Variants in GAS5 observed in about 807,000 individuals in gnomAD.
The protein encoded by GAS5 is growth arrest specific 5 (non-protein coding).
intron 6 of GAS5, chr1:173,865,376 TTTTC>T (rs1348166143): frequency 2.9e-5 from 15 of 515,456 alleles, no homozygotes; most frequent in Non-Finnish European, 5.8e-5. Flanking sequence ...TTAATCTCCA[TTTTC>T]TTTCTCAGAG....
chr1:173,866,563 A>G lies in GAS5; in HGVS notation n.96T>C, dbSNP rs1654691860. On this transcript the variant is annotated non_coding_transcript_exon_variant, in exon 3 of 8. Transcript: ENST00000651080. ...ATGGCTTGAGTTAGGCTTGCTCTTT[A>G]GGACCTGGGAAGAAACAACTTCATG... 4.0e-6 allele frequency: 3 copies of G among 752,712 alleles called. No individual in the cohort carries two copies. In the South Asian group the frequency reaches 4.1e-5, roughly 10 times the overall value. The allele number at this position is 752,712 out of a possible 1,614,324, so 46.6% of individuals were successfully genotyped here.
chr1:173,866,950 T>C (rs1333854567), intron 1 of GAS5: 2 of 765,506 alleles, frequency 2.6e-6, no homozygotes, highest in Non-Finnish European at 4.8e-6. Context: ...AGACCACCTC[T>C]TAGATTTCAT....
chr1:173,866,179 T>C, exon 4 of GAS5: 2 of 466,084 alleles, frequency 4.3e-6, no homozygotes, highest in Non-Finnish European at 8.6e-6. Flanking sequence ...TCACTTACCA[T>C]TTCAACTTCC....
intron 6 of GAS5, chr1:173,864,498 C>A: frequency 4.1e-6 from 2 of 489,082 alleles, no homozygotes; most frequent in Admixed American, 2.2e-5. Context: ...TTTAGGATAA[C>A]AGGTCTGCCT....
intron 6 of GAS5, chr1:173,864,581 T>C (rs1654263103): frequency 2.6e-6 from 1 of 379,416 alleles, no homozygotes; most frequent in African/African-American, 2.1e-5. Flanking sequence ...ATTTTAACTT[T>C]TAAACAGCTA....
Position 173,864,948 on chromosome 1 carries a change from G to C in GAS5, n.276+523C>G, listed in dbSNP as rs113351229. On this transcript the variant is annotated intron_variant and non_coding_transcript_variant, in intron 6 of 7. Transcript: ENST00000651080. ...AAAACCAGACTTGAGGCGGGGCATG[G>C]TGGCTCACGCCTGTAATCCCAGCAC... The C allele has an allele frequency of 5.4e-3, 2,765 of 514,438 alleles. 67 individuals carry two copies. The highest frequency in any genetic ancestry group is 0.049 in the African/African-American group (2,554 of 51,914). The allele number at this position is 514,438 out of a possible 1,614,324, so 31.9% of individuals were successfully genotyped here.
upstream of GAS5, chr1:173,867,314 G>A: frequency 2.2e-6 from 1 of 449,420 alleles, no homozygotes; most frequent in Non-Finnish European, 4.0e-6. Context: ...GAGGTCAGGA[G>A]TTCAAGACCA....
At chr1:173,864,985 A>G (rs1654334896) in intron 6 of GAS5, 1 of 491,536 alleles carries the variant, frequency 2.0e-6, no homozygotes, top group Non-Finnish European at 4.1e-6. Context: ...TTGGGAGGTC[A>G]GTGCGGGCAG....
At chr1:173,867,228 A>T, upstream of GAS5, 4 of 529,724 alleles carry the variant, frequency 7.6e-6, no homozygotes, top group Non-Finnish European at 1.3e-5. Flanking sequence ...GTTAAGAACC[A>T]CCGATGGCGG....
At chr1:173,864,836 C>G (rs1440892198) in intron 6 of GAS5, 1 of 519,144 alleles carries the variant, frequency 1.9e-6, no homozygotes, top group Non-Finnish European at 3.8e-6. Flanking sequence ...CCAGATACAT[C>G]AGATAGGAGC....
chr1:173,867,085 T>A, upstream of GAS5: 3 of 652,222 alleles, frequency 4.6e-6, no homozygotes, highest in Admixed American at 2.6e-5. Context: ...TGTTCCACGG[T>A]TCTTTTTTTT....
intron 6 of GAS5, chr1:173,865,462 A>G (rs1654434048): frequency 2.0e-6 from 1 of 510,058 alleles, no homozygotes; most frequent in African/African-American, 1.9e-5. Flanking sequence ...ACATCAATAA[A>G]ACATGTACCT....
At chr1:173,868,205 C>T, upstream of GAS5, 1 of 154,334 alleles carries the variant, frequency 6.5e-6, no homozygotes, top group Non-Finnish European at 1.4e-5. Context: ...TGCCGTGCTC[C>T]CGCCCTCCTC....
At chr1:173,867,486 T>C, upstream of GAS5, 1 of 368,294 alleles carries the variant, frequency 2.7e-6, no homozygotes, top group Non-Finnish European at 5.4e-6. Flanking sequence ...CATTCCAGCC[T>C]GGGTGACAGA....
chr1:173,867,086 TC>T, upstream of GAS5: 1 of 652,134 alleles, frequency 1.5e-6, no homozygotes, highest in Non-Finnish European at 2.7e-6. Context: ...GTTCCACGGT[TC>T]TTTTTTTTAA....
chr1:173,865,695 T>C (rs1475907260), intron 5 of GAS5: 1 of 519,228 alleles, frequency 1.9e-6, no homozygotes, highest in Non-Finnish European at 3.8e-6. Flanking sequence ...ACAAACCCCG[T>C]TCCAAACATG....
intron 2 of GAS5, chr1:173,866,689 A>G: frequency 1.3e-6 from 1 of 765,324 alleles, no homozygotes; most frequent in Admixed American, 1.7e-5. Context: ...ACTCAAGAGT[A>G]GCAAATAAAC....
Position 173,866,682 on chromosome 1 carries a change from C to G in GAS5, n.91+79G>C, listed in dbSNP as rs1452800183. The G allele has an allele frequency of 1.1e-4, 81 of 764,982 alleles. No individual in the cohort carries two copies. The East Asian group carries it at 2.0e-3, about 19-fold the overall frequency. The allele number at this position is 764,982 out of a possible 1,614,324, so 47.4% of individuals were successfully genotyped here. Reference sequence around the variant, plus strand: ...TTAAGATCCTCATCATTCTAGCACTCAAGAGTAGCAAATAAACTGTCATCA... The same window carrying G: ...TTAAGATCCTCATCATTCTAGCACTGAAGAGTAGCAAATAAACTGTCATCA... On this transcript the variant is annotated intron_variant and non_coding_transcript_variant, in intron 2 of 7. Transcript: ENST00000651080.
chr1:173,867,440 A>C, upstream of GAS5: 1 of 358,914 alleles, frequency 2.8e-6, no homozygotes, highest in Non-Finnish European at 5.5e-6. Context: ...TTAACTCGGG[A>C]CGCGGAGGTT....
Sources: gnomAD v4.1 joint callset for allele counts on GRCh38, gnomAD v4.1.1 for gene constraint, MANE v1.5 for transcripts, NCBI Gene and HGNC (gene_info 2026-07-23, HGNC 2026-07-21) for gene names.